Variants in ARSG observed in about 807,000 individuals in gnomAD.
The protein encoded by ARSG is ASG.
Under a neutral mutation model 50.5 loss-of-function variants are expected in ARSG, and 37 were observed. That is an observed-to-expected ratio of 0.73 (90% CI 0.56 to 0.96). The LOEUF is 0.96. ARSG is among the 50% of genes least tolerant of loss of function. The probability of loss-of-function intolerance (pLI) is 0.00; values close to 1 mark genes in which losing one functional copy is unlikely to be tolerated. For synonymous variants in ARSG, 225 were observed against 254.6 expected (o/e 0.88, Z 1.11); for missense variants, 629 against 675.3 (o/e 0.93, Z 0.76).
At position 68,307,580 on chromosome 17, in the gene ARSG, G is replaced by A. The variant is rs61734949; in HGVS notation, c.87G>A (p.Gly29=). The part of the protein sequence containing the change: ...LYPLVDFCIS[G]KTRGQKPNFV... ...CTCTTGTGGATTTTTGCATCAGTGG[G>A]AAAACAAGAGGACAGAAGCCAAACT... Residue 29 remains glycine, a synonymous_variant, in exon 2 of 12, where the codon GGG becomes GGA. Coordinates refer to ENST00000621439, the MANE Select transcript of ARSG (RefSeq NM_001267727.2). 4,036 of 1,614,112 alleles carry A rather than the reference G, an allele frequency of 2.5e-3. 8 individuals carry two copies. Among genetic ancestry groups the A allele is most frequent in the Non-Finnish European group, 3.1e-3 (3,700 of 1,179,994 alleles).
Position 68,370,341 on chromosome 17 carries a change from T to C in ARSG, c.902-103T>C, listed in dbSNP as rs980456764. On this transcript the variant is annotated intron_variant, in intron 7 of 11. Transcript: ENST00000621439. The stretch of plus-strand genomic sequence containing the variant: ...TGTTTGTCTTTATAAGTCCTTTTTC[T>C]ATCTAGTTCCTGCTCTGCGCAAGGG... 8 of 977,314 alleles carry C rather than the reference T, an allele frequency of 8.2e-6. 1 individual carries two copies. Among genetic ancestry groups the C allele is most frequent in the African/African-American group, 8.2e-5 (5 of 61,136 alleles). The allele number at this position is 977,314 out of a possible 1,614,324, so 60.5% of individuals were successfully genotyped here.
intron 11 of ARSG, among the ~76,000 whole-genome samples, chr17:68,411,038 C>T (rs974671633): frequency 2.0e-5 from 3 of 152,074 alleles, no homozygotes; most frequent in South Asian, 4.1e-4. Flanking sequence ...GTCTTGCTAG[C>T]GGTCTATCAA....
At chr17:68,354,084 ATTTTTAATCTATGTTAAAAATCTC>A (rs1173666798) in intron 5 of ARSG, among the ~76,000 whole-genome samples, 34 of 126,278 alleles carry the variant, frequency 2.7e-4, no homozygotes, top group African/African-American at 5.4e-4. Flanking sequence ...TTATTTTTTA[ATTTTTAATCTATGTTAAAAATCTC>A]TTTTTAATCT....
chr17:68,370,964 A>G (rs531501862), intron 8 of ARSG, among the ~76,000 whole-genome samples: 3 of 130,372 alleles, frequency 2.3e-5, no homozygotes, highest in East Asian at 2.0e-4. Flanking sequence ...TTTAATGTAC[A>G]TTGTCTCCAG....
chr17:68,284,482 G>T (rs575960766), intron 1 of ARSG, among the ~76,000 whole-genome samples: 3 of 152,192 alleles, frequency 2.0e-5, no homozygotes, highest in African/African-American at 4.8e-5. Flanking sequence ...CAGGGTCAGG[G>T]TGCATTATAT....
At chr17:68,324,106 G>C (rs1395170147) in intron 2 of ARSG, among the ~76,000 whole-genome samples, 1 of 148,332 alleles carries the variant, frequency 6.7e-6, no homozygotes, top group Non-Finnish European at 1.5e-5. Flanking sequence ...ATCTACAGTA[G>C]AGAAAAGGCC....
Position 68,268,811 on chromosome 17 carries a change from T to C in ARSG, c.-552+9385T>C. ...ATCGGAATGTGAACCAAAGAGTCTT[T>C]CTACATATCTCTTGTATTGCTACTG... On this transcript the variant is annotated intron_variant, in intron 1 of 11. Coordinates refer to the ARSG transcript ENST00000448504. The C allele has an allele frequency of 1.7e-5, 7 of 407,898 alleles. No individual in the cohort carries two copies. In the Middle Eastern group the frequency reaches 2.4e-3, roughly 141 times the overall value. 25.3% of individuals were successfully genotyped at this position (407,898 alleles called of 1,614,324 possible). A position where few individuals can be genotyped will look rare whatever the true frequency, so the allele number is the denominator to read the frequency against.
At chr17:68,424,452 T>C (rs749374782), downstream of ARSG, 11 of 534,610 alleles carry the variant, frequency 2.1e-5, no homozygotes, top group African/African-American at 2.1e-4. Context: ...CCTTTTACAA[T>C]TGGAAGCTCA....
chr17:68,261,868 A>G (rs1389153440), intron 1 of ARSG, among the ~76,000 whole-genome samples: 1 of 152,100 alleles, frequency 6.6e-6, no homozygotes, highest in African/African-American at 2.4e-5. Context: ...AAACAGTAAG[A>G]GAGGCTGGGC....
chr17:68,303,757 C>A (rs1555762870), intron 1 of ARSG, among the ~76,000 whole-genome samples: 2 of 152,184 alleles, frequency 1.3e-5, no homozygotes, highest in African/African-American at 4.8e-5. Flanking sequence ...GCCCCATTTT[C>A]CTTATAGCAC....
chr17:68,428,596 G>GGAGACCAT, the ARSG span: 2 of 461,540 alleles, frequency 4.3e-6, no homozygotes, highest in South Asian at 4.4e-5. Flanking sequence ...AGGCTGAGGG[G>GGAGACCAT]GAGACCATCT....
intron 10 of ARSG, among the ~76,000 whole-genome samples, chr17:68,397,979 C>T (rs2081317080): frequency 6.6e-6 from 1 of 152,152 alleles, no homozygotes; most frequent in Non-Finnish European, 1.5e-5. Context: ...GTTGGCCAGG[C>T]TGGTGTCAAA....
At chr17:68,374,344 CCAGAAGGTG>C (rs57905289) in intron 8 of ARSG, among the ~76,000 whole-genome samples, 74,221 of 151,324 alleles carry the variant, frequency 0.49, 19,124 homozygotes, top group African/African-American at 0.64. Context: ...GGCTAAAAGT[CCAGAAGGTG>C]CAGAAGGTGT....
chr17:68,387,899 G>A (rs184052478), intron 9 of ARSG, among the ~76,000 whole-genome samples: 73 of 152,282 alleles, frequency 4.8e-4, no homozygotes, highest in African/African-American at 1.8e-3. Flanking sequence ...GTGTGGGAGA[G>A]GGGGCGGGGG....
At chr17:68,308,184 T>C (rs1448942771) in intron 2 of ARSG, among the ~76,000 whole-genome samples, 1 of 152,032 alleles carries the variant, frequency 6.6e-6, no homozygotes, top group Non-Finnish European at 1.5e-5. Context: ...CACGCTCCTG[T>C]GGTCTCAGCT....
At position 68,378,570 on chromosome 17, in the gene ARSG, A is replaced by T. The variant is rs1207221782; in HGVS notation, c.983-6494A>T. On this transcript the variant is annotated intron_variant, in intron 8 of 11. Coordinates refer to ENST00000621439, the MANE Select transcript of ARSG (RefSeq NM_001267727.2). The surrounding 1 kb of genome is among the most constrained non-coding windows in gnomAD (Gnocchi z 4.4). Reference sequence around the variant, plus strand: ...CAGCCCTGCCTTCTCCCGAAGAAGAAGGGCACGAGTCAGACACCCCTGCTG... The same window carrying T: ...CAGCCCTGCCTTCTCCCGAAGAAGATGGGCACGAGTCAGACACCCCTGCTG... Among the ~76,000 whole-genome samples the T allele has an allele frequency of 6.6e-6, 1 of 152,182 alleles. No individual in the cohort carries two copies. Among genetic ancestry groups the T allele is most frequent in the Non-Finnish European group, 1.5e-5 (1 of 68,018 alleles).
chr17:68,450,539 AAACAACGTTAC>A, the ARSG span, among the ~76,000 whole-genome samples: 1 of 152,224 alleles, frequency 6.6e-6, no homozygotes, highest in Admixed American at 6.5e-5. Flanking sequence ...GGTCTAGGGA[AAACAACGTTAC>A]AACCAGCACC....
intron 5 of ARSG, among the ~76,000 whole-genome samples, chr17:68,355,751 T>C (rs1342777316): frequency 2.9e-5 from 4 of 136,728 alleles, no homozygotes; most frequent in Non-Finnish European, 4.6e-5. Context: ...CATGAGCTTG[T>C]TTTTTTTTTT....
chr17:68,404,512 C>G (rs2081621486), intron 11 of ARSG, among the ~76,000 whole-genome samples: 1 of 152,204 alleles, frequency 6.6e-6, no homozygotes, highest in South Asian at 2.1e-4. Context: ...GTTAAGCCAA[C>G]TTTACATTCC....
Sources: allele counts gnomAD v4.1 joint callset (sites outside exome capture counted in the v4.1 genomes callset), GRCh38; gene constraint gnomAD v4.1.1; non-coding constraint Gnocchi (gnomAD v3.1); transcripts MANE v1.5; gene names NCBI Gene and HGNC (gene_info 2026-07-23, HGNC 2026-07-21).